HDAC9: variants seen among roughly 807,000 people sequenced by gnomAD.
HDAC9 encodes the protein histone deacetylase 9.
A neutral mutation model predicts 139.4 loss-of-function variants in HDAC9; 41 were observed. The observed-to-expected ratio is 0.29, with a 90% CI of 0.23 to 0.38. HDAC9 has a LOEUF of 0.38. Among genes scored for constraint, HDAC9 ranks in the 10% least tolerant of loss-of-function variants. The probability of loss-of-function intolerance (pLI) is 1.00; values close to 1 mark genes in which losing one functional copy is unlikely to be tolerated. For synonymous variants in HDAC9, 517 were observed against 476.2 expected (o/e 1.09, Z -1.12); for missense variants, 1,147 against 1,297.0 (o/e 0.88, Z 1.78).
At chr7:18,964,091 G>T (rs778816794) in intron 24 of HDAC9, among the ~76,000 whole-genome samples, 5 of 152,144 alleles carry the variant, frequency 3.3e-5, no homozygotes, top group Non-Finnish European at 7.3e-5. Flanking sequence ...AGGTCTTCAA[G>T]AGATTGTCAT....
chr7:18,594,052 CTGTT>C, intron 6 of HDAC9, 23 bp downstream of exon 6: 3 of 1,611,074 alleles, frequency 1.9e-6, no homozygotes, highest in Non-Finnish European at 2.5e-6. Flanking sequence ...AACAGGAACT[CTGTT>C]TGCTCTTCTG....
At chr7:18,704,941 G>T (rs1584879570) in intron 12 of HDAC9, among the ~76,000 whole-genome samples, 1 of 152,168 alleles carries the variant, frequency 6.6e-6, no homozygotes, top group Non-Finnish European at 1.5e-5. Context: ...ATGAGGAAAT[G>T]ATATACATCA....
At chr7:18,755,188 T>C (rs1788772883) in intron 14 of HDAC9, among the ~76,000 whole-genome samples, 1 of 152,178 alleles carries the variant, frequency 6.6e-6, no homozygotes. Flanking sequence ...CAGGCTACAT[T>C]GTCATTGTTC....
At chr7:18,795,040 C>T (rs776906862) in intron 17 of HDAC9, among the ~76,000 whole-genome samples, 21 of 151,742 alleles carry the variant, frequency 1.4e-4, no homozygotes, top group Admixed American at 9.8e-4. Flanking sequence ...AATATATGCA[C>T]GAAGATAGTT....
intron 2 of HDAC9, among the ~76,000 whole-genome samples, chr7:18,165,247 C>A (rs560647249): frequency 1.8e-4 from 28 of 152,248 alleles, no homozygotes; most frequent in African/African-American, 6.7e-4. Context: ...TTTCCAGACT[C>A]CTCCCTGAAA....
At chr7:18,895,267 TAGAGTA>T (rs1278265877) in intron 22 of HDAC9, among the ~76,000 whole-genome samples, 1 of 152,156 alleles carries the variant, frequency 6.6e-6, no homozygotes, top group Non-Finnish European at 1.5e-5. Flanking sequence ...AGGATTGAGT[TAGAGTA>T]AAAGAGACAA....
intron 1 of HDAC9, among the ~76,000 whole-genome samples, chr7:18,137,643 C>G (rs950869551): frequency 2.7e-5 from 4 of 150,576 alleles, no homozygotes; most frequent in African/African-American, 7.3e-5. Flanking sequence ...CCTTGCATCC[C>G]AGGGATGAAG....
At chr7:18,959,034 C>T (rs1488408190) in intron 24 of HDAC9, among the ~76,000 whole-genome samples, 2 of 152,136 alleles carry the variant, frequency 1.3e-5, no homozygotes, top group African/African-American at 4.8e-5. Flanking sequence ...AAATAACTCT[C>T]ATATGGATGT....
intron 1 of HDAC9, among the ~76,000 whole-genome samples, chr7:18,344,230 C>A (rs1782231805): frequency 6.6e-6 from 1 of 151,640 alleles, no homozygotes; most frequent in African/African-American, 2.4e-5. Flanking sequence ...TGTCTTGAAC[C>A]CAGTAGATGA....
intron 2 of HDAC9, among the ~76,000 whole-genome samples, chr7:18,180,644 G>A (rs1789348062): frequency 6.6e-6 from 1 of 152,122 alleles, no homozygotes. Flanking sequence ...ACCCCAATCT[G>A]CCCTAACTAA....
intron 21 of HDAC9, among the ~76,000 whole-genome samples, chr7:18,873,098 G>A (rs1799055766): frequency 6.6e-6 from 1 of 152,066 alleles, no homozygotes; most frequent in South Asian, 2.1e-4. Context: ...TATTATGTGT[G>A]ACACTTAATG....
At chr7:18,923,852 A>C (rs1220417606) in intron 22 of HDAC9, among the ~76,000 whole-genome samples, 1 of 152,128 alleles carries the variant, frequency 6.6e-6, no homozygotes, top group African/African-American at 2.4e-5. Context: ...TACGCTATGG[A>C]ATATGTAATG....
At chr7:18,223,391 A>ATT (rs199647771) in intron 2 of HDAC9, among the ~76,000 whole-genome samples, 10 of 138,574 alleles carry the variant, frequency 7.2e-5, no homozygotes, top group Admixed American at 1.4e-4. Context: ...ACCCCGGTCA[A>ATT]TTTTTTTTTT....
chr7:18,377,919 G>GA (rs1160029842), intron 1 of HDAC9, among the ~76,000 whole-genome samples: 1 of 152,158 alleles, frequency 6.6e-6, no homozygotes, highest in Non-Finnish European at 1.5e-5. Context: ...TAGGGAACAA[G>GA]AAAATGGTTT....
intron 2 of HDAC9, among the ~76,000 whole-genome samples, chr7:18,531,895 G>A (rs1161365672): frequency 2.6e-5 from 4 of 152,080 alleles, no homozygotes; most frequent in Admixed American, 6.6e-5. Flanking sequence ...TCAAAATTTG[G>A]TGCTTCTGGA....
At chr7:18,176,038 A>G (rs1788875560) in intron 2 of HDAC9, among the ~76,000 whole-genome samples, 1 of 152,208 alleles carries the variant, frequency 6.6e-6, no homozygotes, top group Non-Finnish European at 1.5e-5. Context: ...GAGAGGGCAG[A>G]TAATCATAGT....
intron 1 of HDAC9, among the ~76,000 whole-genome samples, chr7:18,423,500 A>C (rs1274526814): frequency 1.3e-5 from 2 of 152,236 alleles, no homozygotes; most frequent in African/African-American, 4.8e-5. Context: ...TTCATTTTCT[A>C]TAGGTCTGTA....
intron 1 of HDAC9, among the ~76,000 whole-genome samples, chr7:18,121,468 G>C (rs1425007815): frequency 6.6e-6 from 1 of 150,704 alleles, no homozygotes; most frequent in African/African-American, 2.4e-5. Flanking sequence ...CTGTCAATTG[G>C]TAGGTTTAAT....
At chr7:18,205,831 G>A (rs1439179039) in intron 2 of HDAC9, among the ~76,000 whole-genome samples, 1 of 152,000 alleles carries the variant, frequency 6.6e-6, no homozygotes, top group Non-Finnish European at 1.5e-5. Context: ...GTAATTCAGT[G>A]TTTGATTTAT....
Sources: gnomAD v4.1 joint callset for allele counts (sites outside exome capture counted in the v4.1 genomes callset) on GRCh38, gnomAD v4.1.1 for gene constraint, MANE v1.5 for transcripts, NCBI Gene and HGNC (gene_info 2026-07-23, HGNC 2026-07-21) for gene names.